RASIP1: variants seen among roughly 807,000 people sequenced by gnomAD.
RASIP1 encodes Ras interacting protein 1.
RASIP1 carries 20 observed loss-of-function variants against 85.3 expected under a neutral mutation model. That is an observed-to-expected ratio of 0.23 (90% CI 0.17 to 0.34). The LOEUF (loss-of-function observed/expected upper bound fraction) is 0.34. Ranked by LOEUF, RASIP1 falls within the 10% of genes least tolerant of loss-of-function variation. The probability of loss-of-function intolerance (pLI) is 1.00; values close to 1 mark genes in which losing one functional copy is unlikely to be tolerated. For missense variants in RASIP1, 1,170 were observed against 1,390.9 expected, an observed-to-expected ratio of 0.84 and a Z score of 2.53; for synonymous variants, 617 against 647.1, an observed-to-expected ratio of 0.95 and a Z score of 0.71.
At chr19:48,721,768 A>C in intron 11 of RASIP1, 86 bp downstream of exon 11, 3 of 1,472,142 alleles carry the variant, frequency 2.0e-6, no homozygotes, top group Non-Finnish European at 2.7e-6. Context: ...GCGCCATTGC[A>C]CTCCAGCCTG....
intron 3 of RASIP1, chr19:48,737,822 G>GC (rs2033600862): frequency 5.5e-6 from 2 of 364,392 alleles, no homozygotes; most frequent in Non-Finnish European, 7.3e-6. Flanking sequence ...CACAGGCCCC[G>GC]CCCCACAACA....
rs1461927813 is a variant in RASIP1 at position 48,724,305 on chromosome 19, T to TC, written c.2544+31dup. The TC allele has an allele frequency of 6.3e-7, 1 of 1,598,554 alleles. No individual in the cohort carries two copies. The highest frequency in any genetic ancestry group is 8.6e-7 in the Non-Finnish European group (1 of 1,169,340). ...CTGAGGGGGGTTGAGGAGTCAGAGGTCAGGGGTCAGGTATAGCTGACCAGG... is the reference window on the plus strand; with the variant it reads ...CTGAGGGGGGTTGAGGAGTCAGAGGTCCAGGGGTCAGGTATAGCTGACCAGG... On this transcript the variant is annotated intron_variant, in intron 10 of 11. Coordinates refer to ENST00000222145, the MANE Select transcript of RASIP1 (RefSeq NM_017805.3). This position sits in a 1 kb window ranked among gnomAD's most constrained non-coding sequence, Gnocchi z 4.6.
rs1192021011 is a variant in RASIP1, at chr19:48,729,105, C to A, written c.1665G>T (p.Leu555=). Residue 555 remains leucine (L), a synonymous_variant, in exon 5 of 12, where the codon CTG becomes CTT. Transcript: ENST00000222145. The part of the protein sequence containing the change: ...LRFRPREEEA[L]LGEIVRAAAA... ...CTGCGGCGCGCACGATCTCGCCCAG[C>A]AGCGCCTCCTCCTCGCGCGGCCGGA... 2 of 1,372,892 alleles carry A rather than the reference C, an allele frequency of 1.5e-6. No homozygotes were observed. The highest frequency in any genetic ancestry group is 1.6e-5 in the South Asian group (1 of 63,114). The allele number at this position is 1,372,892 out of a possible 1,614,324, so 85.0% of individuals were successfully genotyped here.
Position 48,735,567 on chromosome 19 carries a change from G to A in RASIP1, c.824-16C>T. On this transcript the variant is annotated splice_polypyrimidine_tract_variant and intron_variant, in intron 3 of 11. Transcript: ENST00000222145. ...GCGCCGGTGCCTGCGGAGAGATGGA[G>A]AACAGTGAGGCTGAGCCTGGAAAGA... The A allele has an allele frequency of 1.3e-6, 2 of 1,514,234 alleles. No homozygotes were observed. The highest frequency in any genetic ancestry group is 1.8e-6 in the Non-Finnish European group (2 of 1,130,002). 93.8% of individuals were successfully genotyped at this position (1,514,234 alleles called of 1,614,324 possible).
At chr19:48,726,455 A>G (rs758820770) in intron 8 of RASIP1, among the ~76,000 whole-genome samples, 4 of 151,862 alleles carry the variant, frequency 2.6e-5, no homozygotes, top group Non-Finnish European at 5.9e-5. Flanking sequence ...CAAACTCCTG[A>G]CCTCAAGTGA....
intron 3 of RASIP1, chr19:48,737,588 A>G: frequency 1.0e-6 from 1 of 985,196 alleles, no homozygotes; most frequent in African/African-American, 1.7e-5. Context: ...GGCTCCGCCC[A>G]TCTTAGTCCC....
Position 48,729,313 on chromosome 19 carries a change from A to G in RASIP1, c.1457T>C (p.Met486Thr). The change falls in exon 5 of 12, where the codon ATG becomes ACG. Residue 486 changes from methionine (M) to threonine (T), a missense_variant. Met to Thr is a moderately conservative substitution (Grantham distance 81). Coordinates refer to ENST00000222145, the MANE Select transcript of RASIP1 (RefSeq NM_017805.3). ...LLGLGEHFLF[M>T]YKDPRTGGSG... ...GCCCCCAGTGCGGGGGTCCTTGTAC[A>G]TGAACAGGAAGTGCTCGCCCAGCCC... The G allele has an allele frequency of 6.4e-7, 1 of 1,558,544 alleles. No individual in the cohort carries two copies. The highest frequency in any genetic ancestry group is 8.7e-7 in the Non-Finnish European group (1 of 1,152,048).
chr19:48,730,408 T>C (rs1230915256), intron 4 of RASIP1, among the ~76,000 whole-genome samples: 1 of 152,044 alleles, frequency 6.6e-6, no homozygotes, highest in Non-Finnish European at 1.5e-5. Flanking sequence ...GTGATCCGCC[T>C]GCCTTGGCCT....
Position 48,725,048 on chromosome 19 carries a change from T to G in RASIP1, c.2128-88A>C, listed in dbSNP as rs1601275249. The G allele has an allele frequency of 6.0e-5, 89 of 1,477,620 alleles. 3 individuals are homozygous for G. The South Asian group carries it at 1.1e-3, about 18-fold the overall frequency. 91.5% of individuals were successfully genotyped at this position (1,477,620 alleles called of 1,614,324 possible). ...ATAGAGCATGAAGATAGTGGGGAGC[T>G]CCACCAAAGTCTTCTGGGAGTTGTA... On this transcript the variant is annotated intron_variant, in intron 8 of 11. Coordinates refer to ENST00000222145, the MANE Select transcript of RASIP1 (RefSeq NM_017805.3).
chr19:48,724,999 C>T lies in RASIP1; in HGVS notation c.2128-39G>A, dbSNP rs2033317187. 2.5e-6 allele frequency: 4 copies of T among 1,598,030 alleles called. No homozygotes were observed. Among genetic ancestry groups the T allele is most frequent in the Non-Finnish European group, 3.4e-6 (4 of 1,168,760 alleles). The stretch of plus-strand genomic sequence containing the variant: ...GAAGTGGAAACAAGTGATTGGACTA[C>T]AACTCCCAGGAAGCTTCAGGGTAAT... On this transcript the variant is annotated intron_variant, in intron 8 of 11. Coordinates refer to ENST00000222145, the MANE Select transcript of RASIP1 (RefSeq NM_017805.3). This position sits in a 1 kb window ranked among gnomAD's most constrained non-coding sequence, Gnocchi z 4.6.
chr19:48,732,468 A>T (rs2033478699), intron 4 of RASIP1, among the ~76,000 whole-genome samples: 1 of 151,776 alleles, frequency 6.6e-6, no homozygotes, highest in African/African-American at 2.4e-5. Context: ...GTTAGCCAGG[A>T]TGGTCTCGAT....
Position 48,738,972 on chromosome 19 carries a change from C to G in RASIP1, c.811G>C (p.Ala271Pro). 1.6e-6 allele frequency: 2 copies of G among 1,221,162 alleles called. No homozygotes were observed. The highest frequency in any genetic ancestry group is 1.0e-6 in the Non-Finnish European group (1 of 982,794). The allele number at this position is 1,221,162 out of a possible 1,614,324, so 75.6% of individuals were successfully genotyped here. ...GCCCGCCGCTCACCTTCGCTGTCCG[C>G]GGCCCCGAAGGCCTCCTGCTCCAGG... ...RRLEQEAFGA[A>P]DSEGTGAPSW... The change falls in exon 3 of 12, where the codon GCG becomes CCG. Residue 271 changes from alanine (A) to proline (P), a missense_variant. Around this residue, in one of 4 missense-constraint regions of RASIP1, gnomAD observed 301 missense variants for 294.8 expected, o/e 1.02. Coordinates refer to ENST00000222145, the MANE Select transcript of RASIP1 (RefSeq NM_017805.3). This position sits in a 1 kb window ranked among gnomAD's most constrained non-coding sequence, Gnocchi z 4.0.
chr19:48,739,160 A>G lies in RASIP1; in HGVS notation c.623T>C (p.Leu208Pro). 1 of 1,447,840 alleles carries G rather than the reference A, an allele frequency of 6.9e-7. No individual in the cohort carries two copies. Among genetic ancestry groups the G allele is most frequent in the Non-Finnish European group, 9.0e-7 (1 of 1,107,080 alleles). The allele number at this position is 1,447,840 out of a possible 1,614,324, so 89.7% of individuals were successfully genotyped here. Residue 208 changes from leucine (L) to proline (P), a missense_variant, in exon 3 of 12, where the codon CTG becomes CCG. Physicochemically the swap from Leu to Pro is moderately conservative, Grantham distance 98 (BLOSUM62 -3). This residue lies in a region of RASIP1 where 299 missense variants were observed against 394.4 expected (regional missense o/e 0.76). Transcript: ENST00000222145. This position sits in a 1 kb window ranked among gnomAD's most constrained non-coding sequence, Gnocchi z 9.2. The part of the protein sequence containing the change: ...CVDAFALCDA[L>P]GRPAAAGVGS... ...CACGCCCGCCGCCGCGGGCCGGCCC[A>G]GAGCGTCGCACAAAGCGAAGGCGTC...
chr19:48,732,048 CT>C (rs370478364), intron 4 of RASIP1, among the ~76,000 whole-genome samples: 36 of 146,276 alleles, frequency 2.5e-4, no homozygotes, highest in South Asian at 4.4e-4. Context: ...CAAATGAAAC[CT>C]TTTTTTTTTA....
chr19:48,724,731 G>A lies in RASIP1; in HGVS notation c.2357C>T (p.Ser786Leu), dbSNP rs534906467. The A allele has an allele frequency of 2.5e-6, 4 of 1,614,164 alleles. No homozygotes were observed. Among genetic ancestry groups the A allele is most frequent in the East Asian group, 2.2e-5 (1 of 44,870 alleles). Residue 786 changes from serine to leucine, a missense_variant, in exon 9 of 12, where the codon TCG becomes TTG. By Grantham distance (145) the Ser-to-Leu change is moderately radical. Around this residue, in one of 4 missense-constraint regions of RASIP1, gnomAD observed 426 missense variants for 576.2 expected, o/e 0.74. Transcript: ENST00000222145. This position sits in a 1 kb window ranked among gnomAD's most constrained non-coding sequence, Gnocchi z 4.6. ...FFFSNASLLNSLMERGQGRPF... is the reference protein window; with the variant it reads ...FFFSNASLLNLLMERGQGRPF... Reference sequence around the variant, plus strand: ...CCAACCTTCACCTCGTTCCATCAGCGAGTTGAGAAGGGATGCGTTGGAGAA... The same window carrying A: ...CCAACCTTCACCTCGTTCCATCAGCAAGTTGAGAAGGGATGCGTTGGAGAA...
intron 11 of RASIP1, 129 bp downstream of exon 11, chr19:48,721,725 C>G: frequency 2.4e-6 from 3 of 1,225,062 alleles, no homozygotes; most frequent in Non-Finnish European, 3.3e-6. Flanking sequence ...ATCGCTTGAA[C>G]CCGGGAGGCA....
At chr19:48,737,864 A>G (rs1323309931) in intron 3 of RASIP1, 2 of 985,140 alleles carry the variant, frequency 2.0e-6, no homozygotes, top group African/African-American at 1.7e-5. Context: ...ATCGCTCCCA[A>G]GAACATTGTC....
chr19:48,737,838 C>G (rs1036092212), intron 3 of RASIP1: 137 of 985,276 alleles, frequency 1.4e-4, no homozygotes, highest in Non-Finnish European at 1.6e-4. Context: ...CAACATGCCC[C>G]GCCCATCTGC....
chr19:48,726,390 C>G (rs1454126138), intron 8 of RASIP1, among the ~76,000 whole-genome samples: 1 of 152,000 alleles, frequency 6.6e-6, no homozygotes, highest in Non-Finnish European at 1.5e-5. Context: ...CCATGCCTGG[C>G]TAATTTTGTA....
Sources: gnomAD v4.1 joint callset for allele counts (sites outside exome capture counted in the v4.1 genomes callset) on GRCh38, gnomAD v4.1.1 for gene constraint, gnomAD v4.1.1 regional missense constraint, Gnocchi (gnomAD v3.1) non-coding constraint, MANE v1.5 for transcripts, NCBI Gene and HGNC (gene_info 2026-07-23, HGNC 2026-07-21) for gene names.